SH3BGRL2: variants seen among roughly 807,000 people sequenced by gnomAD.
SH3BGRL2 encodes the protein SH3 domain-binding glutamic acid-rich-like protein 2.
Under a neutral mutation model 14.8 loss-of-function variants are expected in SH3BGRL2, and 21 were observed. The ratio of observed to expected loss-of-function variants is 1.42; its 90% CI spans 1.01 to 2.05. The LOEUF (loss-of-function observed/expected upper bound fraction) is 2.05. Among genes scored for constraint, SH3BGRL2 ranks in the 30% most tolerant of loss-of-function variants. The probability of loss-of-function intolerance (pLI) is 0.00; values close to 1 mark genes in which losing one functional copy is unlikely to be tolerated. For synonymous variants in SH3BGRL2, 50 were observed against 47.8 expected (o/e 1.05, Z -0.19); for missense variants, 147 against 130.8 (o/e 1.12, Z -0.61).
chr6:79,693,857 T>C (rs1334187637), intron 2 of SH3BGRL2, among the ~76,000 whole-genome samples: 3 of 152,200 alleles, frequency 2.0e-5, no homozygotes, highest in Non-Finnish European at 2.9e-5. Flanking sequence ...TGGGGTGCTG[T>C]TGCAGAAGTC....
intron 1 of SH3BGRL2, 90 bp from the exon 2 acceptor site, chr6:79,673,524 A>G (rs1769816280): frequency 2.4e-5 from 31 of 1,306,542 alleles, no homozygotes; most frequent in Non-Finnish European, 3.0e-5. Flanking sequence ...CTTTTTTTGT[A>G]TCAATGACAT....
the SH3BGRL2 span, among the ~76,000 whole-genome samples, chr6:79,562,235 T>C: frequency 6.6e-6 from 1 of 152,112 alleles, no homozygotes; most frequent in African/African-American, 2.4e-5. Context: ...CATACACACA[T>C]ATGTATACAC....
At chr6:79,695,121 C>T (rs1368381732) in intron 2 of SH3BGRL2, among the ~76,000 whole-genome samples, 1 of 152,162 alleles carries the variant, frequency 6.6e-6, no homozygotes, top group East Asian at 1.9e-4. Context: ...AAGAATGCTC[C>T]CATCCCAGTC....
the SH3BGRL2 span, among the ~76,000 whole-genome samples, chr6:79,598,025 A>G: frequency 6.6e-6 from 1 of 152,254 alleles, no homozygotes; most frequent in Non-Finnish European, 1.5e-5. Context: ...CACTAGCCAC[A>G]ATGGAAATGT....
At chr6:79,539,997 T>C in the SH3BGRL2 span, among the ~76,000 whole-genome samples, 1 of 152,222 alleles carries the variant, frequency 6.6e-6, no homozygotes, top group Non-Finnish European at 1.5e-5. Context: ...AACTTCTTGA[T>C]CTCATGTTGC....
chr6:79,698,187 A>C (rs1340509577), intron 3 of SH3BGRL2, among the ~76,000 whole-genome samples: 4 of 152,184 alleles, frequency 2.6e-5, no homozygotes, highest in African/African-American at 9.6e-5. Flanking sequence ...CTGGGACCAG[A>C]GCAGATGTCC....
chr6:79,643,570 A>G (rs1362620809), intron 1 of SH3BGRL2, among the ~76,000 whole-genome samples: 1 of 152,210 alleles, frequency 6.6e-6, no homozygotes, highest in East Asian at 1.9e-4. Flanking sequence ...ATATTTCGTG[A>G]TAATAATAAT....
chr6:79,643,483 A>C (rs903302498), intron 1 of SH3BGRL2, among the ~76,000 whole-genome samples: 2 of 152,248 alleles, frequency 1.3e-5, no homozygotes, highest in Non-Finnish European at 2.9e-5. Context: ...ATGTCCTTAG[A>C]TCATGTGATA....
At chr6:79,675,841 T>A (rs1234631159) in intron 2 of SH3BGRL2, among the ~76,000 whole-genome samples, 1 of 152,154 alleles carries the variant, frequency 6.6e-6, no homozygotes, top group Non-Finnish European at 1.5e-5. Context: ...TTGTTCCTGT[T>A]TTCATTGATT....
At chr6:79,634,144 A>G (rs1343001134) in intron 1 of SH3BGRL2, among the ~76,000 whole-genome samples, 1 of 152,234 alleles carries the variant, frequency 6.6e-6, no homozygotes, top group Non-Finnish European at 1.5e-5. Flanking sequence ...CTCCGCTTCA[A>G]TCATCAATAG....
intron 1 of SH3BGRL2, among the ~76,000 whole-genome samples, chr6:79,673,195 TAA>T (rs912126507): frequency 1.3e-5 from 2 of 152,042 alleles, no homozygotes; most frequent in African/African-American, 4.8e-5. Flanking sequence ...CACTGAGAAC[TAA>T]GGCACTCTGT....
chr6:79,609,138 A>G, the SH3BGRL2 span, among the ~76,000 whole-genome samples: 7 of 152,216 alleles, frequency 4.6e-5, no homozygotes, highest in African/African-American at 1.7e-4. Context: ...GGTAAGCAAC[A>G]GAATTTTCCC....
In SH3BGRL2 at chr6:79,701,856, C is replaced by T. The variant is rs1770465023; in HGVS notation, c.*2347C>T. 3 of 152,480 alleles carry T rather than the reference C, an allele frequency of 2.0e-5. No homozygotes were observed. The highest frequency in any genetic ancestry group is 4.4e-5 in the Non-Finnish European group (3 of 68,018). 9.4% of individuals were successfully genotyped at this position (152,480 alleles called of 1,614,324 possible). A position where few individuals can be genotyped will look rare whatever the true frequency, so the allele number is the denominator to read the frequency against. On this transcript the variant is annotated 3_prime_UTR_variant, in exon 4 of 4. Transcript: ENST00000369838. ...CTTGTTCCCTTCTTTAACTAGCTGC[C>T]TTTAGATTTTGATAATCACAGTCTT... is the stretch of plus-strand genomic sequence containing the variant.
At chr6:79,689,867 A>G (rs965752922) in intron 2 of SH3BGRL2, among the ~76,000 whole-genome samples, 2 of 152,184 alleles carry the variant, frequency 1.3e-5, no homozygotes, top group African/African-American at 4.8e-5. Context: ...AAAGCTTTTG[A>G]AAGTAGAATT....
At chr6:79,693,657 C>T (rs1770273870) in intron 2 of SH3BGRL2, among the ~76,000 whole-genome samples, 1 of 152,092 alleles carries the variant, frequency 6.6e-6, no homozygotes. Context: ...TGCTGGATTA[C>T]ATTTATTGAT....
At chr6:79,677,147 T>C (rs1241453105) in intron 2 of SH3BGRL2, among the ~76,000 whole-genome samples, 1 of 152,232 alleles carries the variant, frequency 6.6e-6, no homozygotes, top group Non-Finnish European at 1.5e-5. Flanking sequence ...CTCACCTGCT[T>C]CTGTGCACCT....
chr6:79,607,829 C>T, the SH3BGRL2 span, among the ~76,000 whole-genome samples: 21 of 152,110 alleles, frequency 1.4e-4, no homozygotes, highest in African/African-American at 5.1e-4. Context: ...TCTGTAATCC[C>T]AGCTACTCCA....
chr6:79,570,842 G>A, the SH3BGRL2 span, among the ~76,000 whole-genome samples: 1 of 152,114 alleles, frequency 6.6e-6, no homozygotes, highest in Admixed American at 6.5e-5. Flanking sequence ...AAAAACTCAA[G>A]CACTCTGTTT....
At chr6:79,619,187 T>A in the SH3BGRL2 span, among the ~76,000 whole-genome samples, 1 of 152,076 alleles carries the variant, frequency 6.6e-6, no homozygotes, top group East Asian at 1.9e-4. Flanking sequence ...CTGCCTCTAT[T>A]CCTCTCCACC....
Sources: allele counts gnomAD v4.1 joint callset (sites outside exome capture counted in the v4.1 genomes callset), GRCh38; gene constraint gnomAD v4.1.1; transcripts MANE v1.5; gene names NCBI Gene and HGNC (gene_info 2026-07-23, HGNC 2026-07-21).